The following ISY1 variants were observed in gnomAD, a reference collection of about 807,000 sequenced individuals.
ISY1 encodes the protein pre-mRNA-splicing factor ISY1 homolog.
A neutral mutation model predicts 54.4 loss-of-function variants in ISY1; 12 were observed. The observed-to-expected ratio is 0.22, with a 90% confidence interval of 0.14 to 0.36. The LOEUF is 0.36. Ranked by LOEUF, ISY1 falls within the 10% of genes least tolerant of loss-of-function variation. The pLI, the probability that ISY1 is intolerant of heterozygous loss-of-function variation, is 1.00. For missense variants in ISY1, 282 were observed against 342.2 expected (o/e 0.82, Z 1.39); for synonymous variants, 96 against 117.9 (o/e 0.81, Z 1.20).
intron 5 of ISY1, among the ~76,000 whole-genome samples, chr3:129,149,986 A>AAAG (rs1266905463): frequency 2.6e-4 from 39 of 151,282 alleles, no homozygotes; most frequent in African/African-American, 9.4e-4. Flanking sequence ...AAAAAAAAAA[A>AAAG]AAAAAGAAAA....
At chr3:129,154,829 C>A (rs1937088841) in intron 5 of ISY1, among the ~76,000 whole-genome samples, 1 of 151,800 alleles carries the variant, frequency 6.6e-6, no homozygotes, top group South Asian at 2.1e-4. Flanking sequence ...GCTGGGATTA[C>A]AGGCGCCTGC....
rs1430158516 is a variant in ISY1, at chr3:129,134,153, G to A, written c.584C>T (p.Ala195Val). Reference protein sequence around the residue: ...LVEKWKAEREARLARGEKEEE... With the variant: ...LVEKWKAEREVRLARGEKEEE... ...TTCCTTTTCTCCTCTTGCCAGCCGA[G>A]CCTCTCTCTCTGCTTTCCACTTTTC... The change falls in exon 9 of 11, where the codon GCT becomes GTT. Residue 195 changes from alanine (A) to valine (V), a missense_variant. This residue lies in a region of ISY1 where 279 missense variants were observed against 323.6 expected (regional missense o/e 0.86). Coordinates refer to ENST00000393295, the MANE Select transcript of ISY1 (RefSeq NM_020701.4). 1 of 1,614,112 alleles carries A rather than the reference G, an allele frequency of 6.2e-7. No homozygotes were observed. The highest frequency in any genetic ancestry group is 1.7e-5 in the Admixed American group (1 of 60,008).
At chr3:129,151,682 T>G (rs1266648736) in intron 5 of ISY1, among the ~76,000 whole-genome samples, 1 of 152,194 alleles carries the variant, frequency 6.6e-6, no homozygotes, top group Non-Finnish European at 1.5e-5. Flanking sequence ...ACAGTTTTAC[T>G]TATTATTTTC....
chr3:129,140,579 C>T, intron 6 of ISY1, 94 bp from the exon 7 acceptor site: 1 of 1,336,006 alleles, frequency 7.5e-7, no homozygotes, highest in Non-Finnish European at 1.0e-6. Flanking sequence ...CGCTCTGTTG[C>T]CCATTTATTT....
rs1171910662 is a variant in ISY1, at chr3:129,145,879, A to G, written c.188-6T>C. On this transcript the variant is annotated splice_region_variant and splice_polypyrimidine_tract_variant and intron_variant, in intron 5 of 10. Transcript: ENST00000393295. ...TCGAAATTCACCTAAACCAGCTAGA[A>G]AACAAAAAGGTTAACAATATCATTC... 1 of 1,613,958 alleles carries G rather than the reference A, an allele frequency of 6.2e-7. No individual in the cohort carries two copies. The highest frequency in any genetic ancestry group is 8.5e-7 in the Non-Finnish European group (1 of 1,179,948).
At chr3:129,137,225 G>A (rs535261017) in intron 7 of ISY1, 15 of 985,762 alleles carry the variant, frequency 1.5e-5, no homozygotes, top group Admixed American at 1.2e-4. Flanking sequence ...TTTTAAGGCC[G>A]GAAAGGAACA....
At chr3:129,160,099 C>G (rs1937261363) in intron 1 of ISY1, among the ~76,000 whole-genome samples, 1 of 151,906 alleles carries the variant, frequency 6.6e-6, no homozygotes, top group African/African-American at 2.4e-5. Context: ...GATCTCGGCT[C>G]ACTGCAAACT....
intron 5 of ISY1, among the ~76,000 whole-genome samples, chr3:129,154,939 C>G (rs1937094200): frequency 6.6e-6 from 1 of 152,044 alleles, no homozygotes; most frequent in South Asian, 2.1e-4. Flanking sequence ...CCGCCCGCCT[C>G]GGCCTCCCAA....
At chr3:129,149,641 A>ACAC (rs1400467744) in intron 5 of ISY1, among the ~76,000 whole-genome samples, 1 of 123,232 alleles carries the variant, frequency 8.1e-6, no homozygotes, top group Non-Finnish European at 1.8e-5. Flanking sequence ...ATATATACAC[A>ACAC]AAAAAAATCA....
chr3:129,150,325 G>GT (rs1417171962), intron 5 of ISY1, among the ~76,000 whole-genome samples: 3 of 152,166 alleles, frequency 2.0e-5, no homozygotes, highest in Admixed American at 6.6e-5. Context: ...ACAGCACAGT[G>GT]TATCTCCCCA....
At chr3:129,142,840 A>G (rs1936661660) in intron 6 of ISY1, among the ~76,000 whole-genome samples, 2 of 152,176 alleles carry the variant, frequency 1.3e-5, no homozygotes, top group African/African-American at 4.8e-5. Context: ...GGATCACCTG[A>G]GGTAGGGAGT....
At chr3:129,152,101 T>C (rs376907101) in intron 5 of ISY1, among the ~76,000 whole-genome samples, 38 of 151,972 alleles carry the variant, frequency 2.5e-4, no homozygotes, top group South Asian at 8.3e-4. Flanking sequence ...GGAGGTTGCA[T>C]TGAGCTGAAA....
chr3:129,151,141 T>A, intron 5 of ISY1, among the ~76,000 whole-genome samples: 1 of 146,408 alleles, frequency 6.8e-6, no homozygotes, highest in East Asian at 2.0e-4. Flanking sequence ...TATATATATA[T>A]ATAAATATAT....
chr3:129,131,820 G>A (rs889359208), intron 9 of ISY1, among the ~76,000 whole-genome samples: 2 of 152,168 alleles, frequency 1.3e-5, no homozygotes, highest in Admixed American at 1.3e-4. Flanking sequence ...ACAGGGAGGT[G>A]TGAACTGTGA....
At position 129,130,119 on chromosome 3, in the gene ISY1, C is replaced by T. The variant is rs1386511737; in HGVS notation, c.820G>A (p.Ala274Thr). ...LQKYASETLQ[A>T]QSEEARRLLG... ...AGCCTTCTGGCTTCTTCACTTTGGG[C>T]CTGCAGGGTCTCGCTTGCATACTTC... The change falls in exon 11 of 11, where the codon GCC (alanine) becomes ACC (threonine). Residue 274 changes from alanine (A) to threonine (T), a missense_variant. Around this residue, in one of 2 missense-constraint regions of ISY1, gnomAD observed 279 missense variants for 323.6 expected, o/e 0.86. Coordinates refer to ENST00000393295, the MANE Select transcript of ISY1 (RefSeq NM_020701.4). 1 of 1,611,824 alleles carries T rather than the reference C, an allele frequency of 6.2e-7. No individual in the cohort carries two copies. Among genetic ancestry groups the T allele is most frequent in the African/African-American group, 1.3e-5 (1 of 74,864 alleles).
intron 6 of ISY1, among the ~76,000 whole-genome samples, chr3:129,144,948 G>A (rs1343485125): frequency 1.3e-5 from 2 of 152,062 alleles, no homozygotes; most frequent in Non-Finnish European, 2.9e-5. Flanking sequence ...TCTTGCTCTG[G>A]CACCCAGGCT....
intron 5 of ISY1, among the ~76,000 whole-genome samples, chr3:129,150,340 T>C (rs1465332910): frequency 1.3e-5 from 2 of 152,286 alleles, no homozygotes; most frequent in South Asian, 4.1e-4. Flanking sequence ...TCCCCATTCA[T>C]TCGGGTCTTC....
chr3:129,157,033 A>C (rs1576894154), intron 3 of ISY1, 113 bp from the exon 4 acceptor site: 4 of 1,180,968 alleles, frequency 3.4e-6, no homozygotes, highest in Non-Finnish European at 4.8e-6. Context: ...AAACATTTGA[A>C]GTTTTCATTC....
At chr3:129,144,407 T>C (rs576993728) in intron 6 of ISY1, among the ~76,000 whole-genome samples, 2 of 152,336 alleles carry the variant, frequency 1.3e-5, no homozygotes, top group East Asian at 3.9e-4. Flanking sequence ...GTAAGAATTA[T>C]GGTTATGTGT....
Sources: gnomAD v4.1 joint callset for allele counts (sites outside exome capture counted in the v4.1 genomes callset) on GRCh38, gnomAD v4.1.1 for gene constraint, gnomAD v4.1.1 regional missense constraint, MANE v1.5 for transcripts, NCBI Gene and HGNC (gene_info 2026-07-23, HGNC 2026-07-21) for gene names.